ASIC2: variants seen among roughly 807,000 people sequenced by gnomAD.
The protein encoded by ASIC2 is acid-sensing ion channel 2.
Under a neutral mutation model 57.3 loss-of-function variants are expected in ASIC2, and 25 were observed. The ratio of observed to expected loss-of-function variants is 0.44; its 90% CI spans 0.32 to 0.61. The LOEUF (loss-of-function observed/expected upper bound fraction) is 0.61, where lower values mean the gene tolerates loss of function less well. ASIC2 is among the 20% of genes least tolerant of loss of function. The pLI is 0.06. For missense variants in ASIC2, 641 were observed against 738.1 expected (o/e 0.87, Z 1.52); for synonymous variants, 319 against 307.5 (o/e 1.04, Z -0.39).
chr17:33,602,539 T>C (rs922566068), intron 1 of ASIC2, among the ~76,000 whole-genome samples: 6 of 152,132 alleles, frequency 3.9e-5, no homozygotes, highest in African/African-American at 1.4e-4. Context: ...CATCAGCCAA[T>C]AAAGTTTCTG....
At chr17:33,996,002 C>A (rs943659849) in intron 1 of ASIC2, among the ~76,000 whole-genome samples, 2 of 152,150 alleles carry the variant, frequency 1.3e-5, no homozygotes, top group African/African-American at 4.8e-5. Flanking sequence ...ATATCTTTGA[C>A]GATACCTATT....
At chr17:34,054,438 C>T (rs1567802688) in intron 1 of ASIC2, among the ~76,000 whole-genome samples, 4 of 152,216 alleles carry the variant, frequency 2.6e-5, no homozygotes, top group Middle Eastern at 6.8e-3. Context: ...TTTTTTCAAG[C>T]AATGAGTGGA....
At chr17:33,710,100 G>T (rs909266990) in intron 1 of ASIC2, among the ~76,000 whole-genome samples, 1 of 152,148 alleles carries the variant, frequency 6.6e-6, no homozygotes, top group Non-Finnish European at 1.5e-5. Context: ...CTCCTCATGG[G>T]TCTGCATGGA....
chr17:33,934,971 A>T (rs956681846), intron 1 of ASIC2, among the ~76,000 whole-genome samples: 6 of 152,212 alleles, frequency 3.9e-5, no homozygotes, highest in African/African-American at 1.4e-4. Flanking sequence ...ACTGACATGC[A>T]AATGACCATG....
intron 1 of ASIC2, among the ~76,000 whole-genome samples, chr17:33,755,232 A>G (rs1288203644): frequency 1.3e-5 from 2 of 152,186 alleles, no homozygotes; most frequent in African/African-American, 4.8e-5. Context: ...GCAGCCACCA[A>G]AAAGCTGTAA....
rs537996428 is a variant in ASIC2 at position 33,841,360 on chromosome 17, C to T, written c.555+314618G>A. 1.7e-3 allele frequency among the ~76,000 whole-genome samples: 260 copies of T among 152,264 alleles called. 1 individual carries two copies. Among genetic ancestry groups the T allele is most frequent in the African/African-American group, 4.7e-3 (197 of 41,554 alleles). ...GTGGGAGGTTGAGATTACTTAAATGCACTGTTTAATTTTTTTTTTCAATAA... is the reference window on the plus strand; with the variant it reads ...GTGGGAGGTTGAGATTACTTAAATGTACTGTTTAATTTTTTTTTTCAATAA... On this transcript the variant is annotated intron_variant, in intron 1 of 9. Coordinates refer to the ASIC2 transcript ENST00000359872.
rs755465072 is a variant in ASIC2, at chr17:33,830,839, G to A, written c.555+325139C>T. ...TTCAAAAGCAAGTCCTGCAGGGCGCGGTGGCTCAGGCCTATAATCCCAGCA... is the reference window on the plus strand; with the variant it reads ...TTCAAAAGCAAGTCCTGCAGGGCGCAGTGGCTCAGGCCTATAATCCCAGCA... On this transcript the variant is annotated intron_variant, in intron 1 of 9. Coordinates refer to the ASIC2 transcript ENST00000359872. Among the ~76,000 whole-genome samples the A allele has an allele frequency of 5.3e-4, 80 of 152,030 alleles. 1 individual carries two copies. The highest frequency in any genetic ancestry group is 2.1e-4 in the Non-Finnish European group (14 of 67,982).
intron 1 of ASIC2, among the ~76,000 whole-genome samples, chr17:34,154,510 C>T (rs1480286605): frequency 3.3e-5 from 5 of 152,116 alleles, no homozygotes; most frequent in Admixed American, 6.5e-5. Flanking sequence ...ACACAGACTG[C>T]GAGAGGCAAT....
intron 1 of ASIC2, among the ~76,000 whole-genome samples, chr17:33,791,596 G>T (rs988723075): frequency 6.6e-6 from 1 of 152,100 alleles, no homozygotes; most frequent in African/African-American, 2.4e-5. Context: ...CCCCAAACCT[G>T]TATATAACAA....
At chr17:34,099,284 A>AAAGG (rs148305370) in intron 1 of ASIC2, among the ~76,000 whole-genome samples, 25,629 of 138,064 alleles carry the variant, frequency 0.19, 3,972 homozygotes, top group African/African-American at 0.41. Context: ...GAAAGAAAAG[A>AAAGG]AAGGAAGGAA....
At chr17:33,923,660 C>T (rs949826984) in intron 1 of ASIC2, among the ~76,000 whole-genome samples, 1 of 152,120 alleles carries the variant, frequency 6.6e-6, no homozygotes, top group African/African-American at 2.4e-5. Context: ...GGGAGTGGGG[C>T]TCAGGGTTCA....
chr17:33,453,284 G>GAAAAA (rs3057620), intron 1 of ASIC2, among the ~76,000 whole-genome samples: 1 of 129,644 alleles, frequency 7.7e-6, no homozygotes, highest in African/African-American at 3.0e-5. Flanking sequence ...CAAAGCAGGT[G>GAAAAA]AAAAAAAAAA....
At chr17:34,089,177 TC>T (rs753530076) in intron 1 of ASIC2, among the ~76,000 whole-genome samples, 7 of 152,184 alleles carry the variant, frequency 4.6e-5, no homozygotes, top group Admixed American at 2.0e-4. Context: ...TCCGCCATCC[TC>T]CTCCTCCATT....
chr17:33,799,352 CTCTTTCTT>C (rs543095141), intron 1 of ASIC2, among the ~76,000 whole-genome samples: 7 of 136,060 alleles, frequency 5.1e-5, no homozygotes, highest in East Asian at 4.5e-4. Flanking sequence ...TCCTCTCTTT[CTCTTTCTT>C]TCTTTCTTTC....
intron 1 of ASIC2, among the ~76,000 whole-genome samples, chr17:33,783,230 C>T (rs913846605): frequency 6.6e-6 from 1 of 152,228 alleles, no homozygotes; most frequent in Non-Finnish European, 1.5e-5. Context: ...AAGGCACTAA[C>T]CATCTCCTTC....
chr17:33,635,807 T>C (rs939767640), intron 1 of ASIC2, among the ~76,000 whole-genome samples: 9 of 152,150 alleles, frequency 5.9e-5, no homozygotes, highest in Admixed American at 2.6e-4. Context: ...TAGGTCCCCA[T>C]TGGAACAAAA....
At chr17:33,043,036 C>T (rs1313611216) in intron 3 of ASIC2, among the ~76,000 whole-genome samples, 1 of 146,020 alleles carries the variant, frequency 6.8e-6, no homozygotes, top group African/African-American at 2.5e-5. Context: ...ATGCCATTCT[C>T]CTGCCTCAGC....
intron 1 of ASIC2, among the ~76,000 whole-genome samples, chr17:33,956,325 C>T (rs192704120): frequency 2.2e-3 from 341 of 152,192 alleles, no homozygotes; most frequent in Non-Finnish European, 3.7e-3. Context: ...TGTAGCAAGG[C>T]GAGGCTAGGG....
intron 1 of ASIC2, among the ~76,000 whole-genome samples, chr17:33,172,443 T>A (rs1327492890): frequency 1.3e-5 from 2 of 152,188 alleles, no homozygotes; most frequent in African/African-American, 2.4e-5. Flanking sequence ...ATGGTGGGAA[T>A]GGCAGTGGTG....
Sources: gnomAD v4.1 joint callset for allele counts (sites outside exome capture counted in the v4.1 genomes callset) on GRCh38, gnomAD v4.1.1 for gene constraint, MANE v1.5 for transcripts, NCBI Gene and HGNC (gene_info 2026-07-23, HGNC 2026-07-21) for gene names.